Variants in B3GALT1 observed in about 807,000 individuals in gnomAD.
B3GALT1 encodes UDP-Gal:betaGlcNAc beta 1,3-galactosyltransferase, polypeptide 1.
A neutral mutation model predicts 23.2 loss-of-function variants in B3GALT1; 10 were observed. The observed-to-expected ratio is 0.43, with a 90% CI of 0.27 to 0.73. The LOEUF (loss-of-function observed/expected upper bound fraction) is 0.73. Ranked by LOEUF, B3GALT1 falls within the 30% of genes least tolerant of loss-of-function variation. The probability of loss-of-function intolerance (pLI) is 0.21; values close to 1 mark genes in which losing one functional copy is unlikely to be tolerated. For synonymous variants in B3GALT1, 156 were observed against 141.5 expected, an observed-to-expected ratio of 1.10 and a Z score of -0.73; for missense variants, 299 against 405.4, an observed-to-expected ratio of 0.74 and a Z score of 2.25.
chr2:167,446,482 CT>C (rs1375140930), intron 1 of B3GALT1, among the ~76,000 whole-genome samples: 18 of 152,320 alleles, frequency 1.2e-4, no homozygotes, highest in East Asian at 3.9e-4. Context: ...TCCATTCTCC[CT>C]GTCACTCTCA....
chr2:167,858,620 T>G (rs1481183544), intron 4 of B3GALT1, among the ~76,000 whole-genome samples: 1 of 152,132 alleles, frequency 6.6e-6, no homozygotes, highest in Non-Finnish European at 1.5e-5. Context: ...AACAAAGGCA[T>G]AGAGTTGCAC....
intron 1 of B3GALT1, among the ~76,000 whole-genome samples, chr2:167,429,044 C>T (rs574738428): frequency 2.4e-4 from 36 of 152,210 alleles, no homozygotes; most frequent in Non-Finnish European, 3.5e-4. Flanking sequence ...CTTTGGGAGG[C>T]TGAGGCAGGC....
chr2:167,677,796 G>T (rs1381224453), intron 3 of B3GALT1, among the ~76,000 whole-genome samples: 1 of 152,180 alleles, frequency 6.6e-6, no homozygotes, highest in Admixed American at 6.5e-5. Flanking sequence ...TCACAGTTCT[G>T]CATGGCTTGG....
chr2:167,772,096 G>T (rs1258859425), intron 3 of B3GALT1, among the ~76,000 whole-genome samples: 1 of 149,980 alleles, frequency 6.7e-6, no homozygotes, highest in African/African-American at 2.5e-5. Flanking sequence ...CCAAAAGGCT[G>T]CCATGGTTTC....
chr2:167,347,902 A>T (rs537863028), intron 1 of B3GALT1, among the ~76,000 whole-genome samples: 11 of 152,324 alleles, frequency 7.2e-5, no homozygotes. Flanking sequence ...AGAAATCAGC[A>T]TCAAGTTTAC....
At chr2:167,462,883 C>T (rs1198897263) in intron 1 of B3GALT1, among the ~76,000 whole-genome samples, 1 of 152,078 alleles carries the variant, frequency 6.6e-6, no homozygotes, top group Non-Finnish European at 1.5e-5. Flanking sequence ...CCAAAGGAAG[C>T]ACCTTTTTCA....
intron 1 of B3GALT1, among the ~76,000 whole-genome samples, chr2:167,342,476 G>A (rs1697164536): frequency 6.6e-6 from 1 of 151,930 alleles, no homozygotes; most frequent in African/African-American, 2.4e-5. Context: ...TGTAGTCTCA[G>A]CTACTCAGGA....
chr2:167,446,440 A>T, intron 1 of B3GALT1, among the ~76,000 whole-genome samples: 1 of 152,266 alleles, frequency 6.6e-6, no homozygotes. Context: ...GTTCTCCTGG[A>T]TAATATCGTG....
intron 2 of B3GALT1, among the ~76,000 whole-genome samples, chr2:167,609,572 A>C (rs890692727): frequency 6.6e-6 from 1 of 152,118 alleles, no homozygotes. Context: ...GTTGTTACAT[A>C]CTACATTGTT....
At chr2:167,435,217 T>A (rs996256554) in intron 1 of B3GALT1, among the ~76,000 whole-genome samples, 1 of 151,796 alleles carries the variant, frequency 6.6e-6, no homozygotes, top group Non-Finnish European at 1.5e-5. Context: ...TGATACATAA[T>A]CACAAGTATA....
chr2:167,671,963 A>G (rs982317189), intron 3 of B3GALT1, among the ~76,000 whole-genome samples: 11 of 152,144 alleles, frequency 7.2e-5, no homozygotes, highest in Non-Finnish European at 1.6e-4. Context: ...CCACAGAAAT[A>G]CAAAGGATCA....
Position 167,327,056 on chromosome 2 carries a change from C to G in B3GALT1, c.-511+33722C>G, listed in dbSNP as rs144441346. On this transcript the variant is annotated intron_variant, in intron 1 of 4. Coordinates refer to ENST00000392690, the MANE Select transcript of B3GALT1 (RefSeq NM_020981.4). ...TGTTCTTGACAGGTTTGTTGAAGATCGGTTTGCTATAAATATGTAGATTTA... is the reference window on the plus strand; with the variant it reads ...TGTTCTTGACAGGTTTGTTGAAGATGGGTTTGCTATAAATATGTAGATTTA... Among the ~76,000 whole-genome samples the G allele has an allele frequency of 1.7e-3, 257 of 152,074 alleles. 4 individuals carry two copies. Among genetic ancestry groups the G allele is most frequent in the Non-Finnish European group, 3.7e-4 (25 of 67,952 alleles).
intron 1 of B3GALT1, among the ~76,000 whole-genome samples, chr2:167,489,072 A>G (rs16853636): frequency 0.011 from 1,706 of 152,240 alleles, 29 homozygotes; most frequent in African/African-American, 0.039. Context: ...AAATATACAG[A>G]ATGATTGTTA....
At chr2:167,690,514 AG>A (rs1457829167) in intron 3 of B3GALT1, among the ~76,000 whole-genome samples, 2 of 152,142 alleles carry the variant, frequency 1.3e-5, no homozygotes. Flanking sequence ...TTCTATTACA[AG>A]AAAGTCTTTC....
At chr2:167,399,167 C>A (rs1246805997) in intron 1 of B3GALT1, among the ~76,000 whole-genome samples, 1 of 152,148 alleles carries the variant, frequency 6.6e-6, no homozygotes, top group African/African-American at 2.4e-5. Flanking sequence ...ATGCAGTTTG[C>A]TGCAGCCTTC....
chr2:167,673,222 AG>A (rs1686363792), intron 3 of B3GALT1, among the ~76,000 whole-genome samples: 1 of 152,062 alleles, frequency 6.6e-6, no homozygotes, highest in Non-Finnish European at 1.5e-5. Context: ...GAAGTATGAG[AG>A]GGAAACAGGA....
At position 167,650,646 on chromosome 2, in the gene B3GALT1, G is replaced by A. The variant is rs140870496; in HGVS notation, c.-352+3680G>A. On this transcript the variant is annotated intron_variant, in intron 3 of 4. Coordinates refer to ENST00000392690, the MANE Select transcript of B3GALT1 (RefSeq NM_020981.4). Reference sequence around the variant, plus strand: ...TAGAATTCATCAGTGAAGACATCTGGTCAGGGACTTTTCTTTGCTTGGAGG... The same window carrying A: ...TAGAATTCATCAGTGAAGACATCTGATCAGGGACTTTTCTTTGCTTGGAGG... 9.8e-3 allele frequency among the ~76,000 whole-genome samples: 1,486 copies of A among 152,086 alleles called. 11 individuals carry two copies. Among genetic ancestry groups the A allele is most frequent in the Middle Eastern group, 0.024 (7 of 294 alleles).
At chr2:167,551,300 C>G (rs1268682703) in intron 2 of B3GALT1, among the ~76,000 whole-genome samples, 7 of 152,078 alleles carry the variant, frequency 4.6e-5, no homozygotes, top group Admixed American at 4.6e-4. Flanking sequence ...GATAAATAAG[C>G]AAAAATATGT....
intron 4 of B3GALT1, among the ~76,000 whole-genome samples, chr2:167,864,280 T>C (rs1690166359): frequency 1.3e-5 from 2 of 151,592 alleles, no homozygotes; most frequent in Non-Finnish European, 2.9e-5. Flanking sequence ...AGGACAGGAG[T>C]GGTGGCTCAC....
Sources: allele counts gnomAD v4.1 joint callset (sites outside exome capture counted in the v4.1 genomes callset), GRCh38; gene constraint gnomAD v4.1.1; transcripts MANE v1.5; gene names NCBI Gene and HGNC (gene_info 2026-07-23, HGNC 2026-07-21).